The following SGO2 variants were observed in gnomAD, a reference collection of about 807,000 sequenced individuals.
SGO2 encodes shugoshin-like 2.
A neutral mutation model predicts 99.5 loss-of-function variants in SGO2; 68 were observed. That is an observed-to-expected ratio of 0.68 (90% confidence interval 0.56 to 0.84). SGO2 has a LOEUF of 0.84. SGO2 is among the 40% of genes least tolerant of loss of function. SGO2 has a pLI of 0.00. For missense variants in SGO2, 1,350 were observed against 1,436.7 expected, an observed-to-expected ratio of 0.94 and a Z score of 0.97; for synonymous variants, 457 against 487.1, an observed-to-expected ratio of 0.94 and a Z score of 0.81.
At chr2:200,560,273 C>G (rs2032887477) in intron 5 of SGO2, among the ~76,000 whole-genome samples, 1 of 152,098 alleles carries the variant, frequency 6.6e-6, no homozygotes, top group African/African-American at 2.4e-5. Context: ...ATGGTTCCTG[C>G]TTTGAAGTCT....
intron 5 of SGO2, among the ~76,000 whole-genome samples, chr2:200,557,726 A>C (rs2032773160): frequency 6.6e-6 from 1 of 152,098 alleles, no homozygotes; most frequent in Admixed American, 6.5e-5. Context: ...ATAGTTTGTG[A>C]ATAAAATTTT....
chr2:200,542,706 T>A, intron 5 of SGO2, 42 bp downstream of exon 5: 1 of 1,495,638 alleles, frequency 6.7e-7, no homozygotes, highest in Non-Finnish European at 9.3e-7. Context: ...AGTATATAGA[T>A]TTTATATAAC....
Position 200,569,650 on chromosome 2 carries a change from C to A in SGO2, c.474-13C>A. 1.3e-6 allele frequency: 2 copies of A among 1,568,186 alleles called. No individual in the cohort carries two copies. The highest frequency in any genetic ancestry group is 1.9e-5 in the Admixed American group (1 of 52,984). On this transcript the variant is annotated splice_polypyrimidine_tract_variant and intron_variant, in intron 5 of 8. Coordinates refer to ENST00000357799, the MANE Select transcript of SGO2 (RefSeq NM_152524.6). ...AACACATAATTTCTCATTTCCTTCC[C>A]ACTTGCCTTTAGGGTTCCATTAACT...
intron 1 of SGO2, among the ~76,000 whole-genome samples, chr2:200,528,231 T>A (rs2031199897): frequency 6.6e-6 from 1 of 152,168 alleles, no homozygotes; most frequent in Admixed American, 6.5e-5. Flanking sequence ...GTAACATGAA[T>A]TTACTTAAGC....
chr2:200,572,400 C>A lies in SGO2; in HGVS notation c.2054C>A (p.Thr685Asn). 2 of 1,613,366 alleles carry A rather than the reference C, an allele frequency of 1.2e-6. No individual in the cohort carries two copies. The highest frequency in any genetic ancestry group is 2.2e-5 in the South Asian group (2 of 91,036). ...RDNENQCDYR[T>N]QNVLGLQKQI... ...AATGAAAATCAATGTGACTATAGGA[C>A]CCAGAATGTGTTGGGTTTGCAAAAG... Residue 685 changes from threonine to asparagine, a missense_variant, in exon 7 of 9, where the codon ACC becomes AAC. By Grantham distance (65) the Thr-to-Asn change is moderately conservative. Transcript: ENST00000357799.
Position 200,572,851 on chromosome 2 carries a change from C to A in SGO2, c.2505C>A (p.Asp835Glu). 1 of 1,597,352 alleles carries A rather than the reference C, an allele frequency of 6.3e-7. No individual in the cohort carries two copies. Among genetic ancestry groups the A allele is most frequent in the Admixed American group, 1.8e-5 (1 of 55,566 alleles). Residue 835 changes from aspartate to glutamate, a missense_variant, in exon 7 of 9, where the codon GAC becomes GAA. Physicochemically the swap from Asp to Glu is conservative, Grantham distance 45 (BLOSUM62 2). Transcript: ENST00000357799. The stretch of plus-strand genomic sequence containing the variant: ...AGAATGATAACAAAGGTGTACATGA[C>A]CTAGAAAAAGATAACTTCTTCTCTC... ...IYENDNKGVHDLEKDNFFSLT... is the reference protein window; with the variant it reads ...IYENDNKGVHELEKDNFFSLT...
At position 200,576,301 on chromosome 2, in the gene SGO2, TGTG is replaced by T. The variant is rs2033661373; in HGVS notation, c.3782+845_3782+847del. Reference sequence around the variant, plus strand: ...TTTAAACTGTACAATTTAGACCAGATGTGGTGGCTCACACCTGTAATCCCAGCA... The same window carrying T: ...TTTAAACTGTACAATTTAGACCAGATGTGGCTCACACCTGTAATCCCAGCA... On this transcript the variant is annotated intron_variant, in intron 8 of 8. Coordinates refer to ENST00000357799, the MANE Select transcript of SGO2 (RefSeq NM_152524.6). Among the ~76,000 whole-genome samples, 4 of 151,678 alleles carry T rather than the reference TGTG, an allele frequency of 2.6e-5. No individual in the cohort carries two copies. In the East Asian group the frequency reaches 7.8e-4, roughly 29 times the overall value.
chr2:200,559,919 G>A (rs1157474104), intron 5 of SGO2, among the ~76,000 whole-genome samples: 4 of 152,014 alleles, frequency 2.6e-5, no homozygotes, highest in Admixed American at 1.3e-4. Context: ...AATGAATTTC[G>A]ATTTTTGAAG....
chr2:200,535,884 A>G (rs1234028149), intron 3 of SGO2, among the ~76,000 whole-genome samples, 181 bp from the exon 4 acceptor site: 2 of 152,096 alleles, frequency 1.3e-5, no homozygotes, highest in African/African-American at 4.8e-5. Context: ...TTTGGACTAT[A>G]TAATACTATT....
chr2:200,566,188 C>T (rs2033180289), intron 5 of SGO2, among the ~76,000 whole-genome samples: 1 of 152,176 alleles, frequency 6.6e-6, no homozygotes, highest in Admixed American at 6.5e-5. Context: ...TGGTTTCTCC[C>T]CATCTTTGTG....
At chr2:200,535,266 A>G in intron 3 of SGO2, 95 bp downstream of exon 3, 3 of 1,130,706 alleles carry the variant, frequency 2.7e-6, no homozygotes, top group South Asian at 3.8e-5. Context: ...CAAATCTCCA[A>G]TAGTGAAAAA....
At chr2:200,535,286 G>T (rs1559198810) in intron 3 of SGO2, 115 bp downstream of exon 3, 1 of 907,024 alleles carries the variant, frequency 1.1e-6, no homozygotes, top group Non-Finnish European at 1.6e-6. Context: ...ATTATTGAAA[G>T]TCAGTATACC....
At chr2:200,531,536 A>C (rs2031380316) in intron 1 of SGO2, among the ~76,000 whole-genome samples, 1 of 152,138 alleles carries the variant, frequency 6.6e-6, no homozygotes, top group Non-Finnish European at 1.5e-5. Context: ...TGGTTCAAGA[A>C]GATGAAGGGA....
chr2:200,583,231 ATT>A (rs1317694035), intron 8 of SGO2, among the ~76,000 whole-genome samples: 1 of 152,218 alleles, frequency 6.6e-6, no homozygotes, highest in Non-Finnish European at 1.5e-5. Flanking sequence ...ATGTTGATTA[ATT>A]TTTCTTAAAT....
chr2:200,569,599 C>A, intron 5 of SGO2, 64 bp from the exon 6 acceptor site: 1 of 1,185,708 alleles, frequency 8.4e-7, no homozygotes, highest in Non-Finnish European at 1.2e-6. Context: ...GAAATAACTG[C>A]CCATGCATTT....
At chr2:200,547,835 CAA>C (rs1323898004) in intron 5 of SGO2, among the ~76,000 whole-genome samples, 1 of 151,856 alleles carries the variant, frequency 6.6e-6, no homozygotes, top group Non-Finnish European at 1.5e-5. Flanking sequence ...AACTAGAAAA[CAA>C]GAGCAAGAGT....
In SGO2 at chr2:200,559,425, T is replaced by C. The variant is rs934308586; in HGVS notation, c.474-10238T>C. ...TTAGTATATTTGTTTTCTATTTCAT[T>C]GATTCTGCTCTTTATTGTTTCTTTC... is the stretch of plus-strand genomic sequence containing the variant. On this transcript the variant is annotated intron_variant, in intron 5 of 8. Transcript: ENST00000357799. Among the ~76,000 whole-genome samples the C allele has an allele frequency of 2.6e-5, 4 of 152,166 alleles. No individual in the cohort carries two copies. The East Asian group carries it at 7.7e-4, about 29-fold the overall frequency.
At chr2:200,549,238 C>T (rs192474573) in intron 5 of SGO2, among the ~76,000 whole-genome samples, 28 of 152,178 alleles carry the variant, frequency 1.8e-4, no homozygotes, top group Admixed American at 1.7e-3. Flanking sequence ...GCAGTGTTCA[C>T]ACCACTGCAC....
At chr2:200,545,870 A>T (rs1442747155) in intron 5 of SGO2, among the ~76,000 whole-genome samples, 1 of 152,226 alleles carries the variant, frequency 6.6e-6, no homozygotes, top group Non-Finnish European at 1.5e-5. Context: ...GCCTGAAGGG[A>T]GAAATATCCC....
Sources: allele counts gnomAD v4.1 joint callset (sites outside exome capture counted in the v4.1 genomes callset), GRCh38; gene constraint gnomAD v4.1.1; transcripts MANE v1.5; gene names NCBI Gene and HGNC (gene_info 2026-07-23, HGNC 2026-07-21).